The following SUMF1 variants were observed in gnomAD, a reference collection of about 807,000 sequenced individuals.
The protein encoded by SUMF1 is formylglycine-generating enzyme.
SUMF1 carries 48 observed loss-of-function variants against 47.6 expected under a neutral mutation model. That is an observed-to-expected ratio of 1.01 (90% CI 0.80 to 1.28). The LOEUF is 1.28. Ranked by LOEUF, SUMF1 falls within the 50% of genes most tolerant of loss-of-function variation. SUMF1 has a pLI of 0.00. For missense variants in SUMF1, 571 were observed against 485.4 expected, an observed-to-expected ratio of 1.18 and a Z score of -1.66; for synonymous variants, 230 against 192.1, an observed-to-expected ratio of 1.20 and a Z score of -1.63.
At chr3:4,342,232 G>A (rs1441416078) in intron 8 of SUMF1, among the ~76,000 whole-genome samples, 1 of 152,132 alleles carries the variant, frequency 6.6e-6, no homozygotes, top group South Asian at 2.1e-4. Context: ...TGTTATCATC[G>A]TTGTTGTTTT....
chr3:4,160,743 C>A (rs183881839), intron 8 of SUMF1, among the ~76,000 whole-genome samples: 5 of 152,084 alleles, frequency 3.3e-5, no homozygotes. Flanking sequence ...TCTCTAATTT[C>A]TTTGTGTTTC....
intron 8 of SUMF1, among the ~76,000 whole-genome samples, chr3:4,259,913 T>C (rs1697048846): frequency 6.6e-6 from 1 of 152,142 alleles, no homozygotes; most frequent in Non-Finnish European, 1.5e-5. Flanking sequence ...GAGATAATAT[T>C]GACTTCCTCA....
chr3:4,172,248 G>C (rs1254526350), intron 8 of SUMF1, among the ~76,000 whole-genome samples: 1 of 152,142 alleles, frequency 6.6e-6, no homozygotes, highest in Non-Finnish European at 1.5e-5. Context: ...ATGACTCCCA[G>C]ATTTCCGTTT....
At chr3:4,278,174 T>G (rs760712245) in intron 8 of SUMF1, among the ~76,000 whole-genome samples, 6 of 151,882 alleles carry the variant, frequency 4.0e-5, no homozygotes, top group African/African-American at 1.2e-4. Flanking sequence ...GGATGGCATA[T>G]GAGATCAAAG....
In SUMF1 at chr3:4,195,262, T is replaced by C. The variant is rs187504179; in HGVS notation, c.1015-126517A>G. Among the ~76,000 whole-genome samples the C allele has an allele frequency of 9.0e-4, 137 of 152,242 alleles. 1 individual carries two copies. Among genetic ancestry groups the C allele is most frequent in the Admixed American group, 6.1e-3 (93 of 15,272 alleles). Reference sequence around the variant, plus strand: ...CTAATGACCTAGATTCTGGCAGTGGTGTTAGGAGACAAGCTACAAGTCCCA... The same window carrying C: ...CTAATGACCTAGATTCTGGCAGTGGCGTTAGGAGACAAGCTACAAGTCCCA... On this transcript the variant is annotated intron_variant and NMD_transcript_variant, in intron 8 of 12. Coordinates refer to the SUMF1 transcript ENST00000448413.
At chr3:4,161,170 C>A (rs1694567547) in intron 8 of SUMF1, among the ~76,000 whole-genome samples, 1 of 151,990 alleles carries the variant, frequency 6.6e-6, no homozygotes, top group East Asian at 1.9e-4. Context: ...TACTTTCTCC[C>A]AGACAAACGG....
intron 8 of SUMF1, among the ~76,000 whole-genome samples, chr3:4,207,280 A>C (rs926560114): frequency 6.6e-6 from 1 of 152,154 alleles, no homozygotes; most frequent in African/African-American, 2.4e-5. Flanking sequence ...ATGAATAAAG[A>C]CAATTTTACT....
rs1213236736 is a variant in SUMF1, at chr3:4,449,272, T to G, written c.513A>C (p.Gln171His). The G allele has an allele frequency of 6.2e-7, 1 of 1,614,142 alleles. No individual in the cohort carries two copies. The change falls in exon 3 of 9, where the codon CAA (glutamine) becomes CAC (histidine). Residue 171 changes from glutamine to histidine, a missense_variant. Coordinates refer to ENST00000272902, the MANE Select transcript of SUMF1 (RefSeq NM_182760.4). The part of the protein sequence containing the change: ...MLSEQVKTNI[Q>H]QAVAAAPWWL... ...CTGTTGAAACATTACTTACTGCCTG[T>G]TGAATATTGGTCTTCACTTGCTCAC...
chr3:4,316,225 T>C (rs763709876), intron 8 of SUMF1: 1 of 707,982 alleles, frequency 1.4e-6, no homozygotes, highest in South Asian at 1.5e-5. Context: ...ATGAAAATGA[T>C]GTTAGACAAA....
At chr3:4,301,342 A>G (rs922892657) in intron 8 of SUMF1, among the ~76,000 whole-genome samples, 1 of 152,206 alleles carries the variant, frequency 6.6e-6, no homozygotes, top group Non-Finnish European at 1.5e-5. Flanking sequence ...GGAAATAGGT[A>G]AAGTCTGGGT....
intron 8 of SUMF1, among the ~76,000 whole-genome samples, chr3:4,319,054 TAA>T (rs1291805877): frequency 1.3e-5 from 2 of 152,218 alleles, no homozygotes; most frequent in African/African-American, 2.4e-5. Context: ...TTTAAAACTA[TAA>T]GTTATCCCTT....
chr3:4,362,393 T>TA, intron 8 of SUMF1, 139 bp from the exon 9 acceptor site: 1 of 729,530 alleles, frequency 1.4e-6, no homozygotes, highest in Non-Finnish European at 2.4e-6. Flanking sequence ...ATGTATGCTT[T>TA]AAAAAGGGCA....
intron 8 of SUMF1, among the ~76,000 whole-genome samples, chr3:4,154,505 G>C (rs986184413): frequency 2.0e-5 from 3 of 151,460 alleles, no homozygotes; most frequent in Non-Finnish European, 4.4e-5. Context: ...AAACCTACAA[G>C]CTGGGGACTA....
intron 8 of SUMF1, among the ~76,000 whole-genome samples, chr3:4,137,821 G>GA (rs1396109016): frequency 6.6e-6 from 1 of 151,894 alleles, no homozygotes; most frequent in Non-Finnish European, 1.5e-5. Context: ...CAACTGCGCA[G>GA]AAAAAGAAAT....
rs1694811374 is a variant in SUMF1 at position 4,170,560 on chromosome 3, T to A, written c.1015-101815A>T. Among the ~76,000 whole-genome samples, 2 of 152,148 alleles carry A rather than the reference T, an allele frequency of 1.3e-5. 1 individual carries two copies. The highest frequency in any genetic ancestry group is 4.1e-4 in the South Asian group (2 of 4,824). ...TTGAAAAATGAACACAGTTGGAAGA[T>A]TTACACTATTGATTTAAAACTTCCT... is the stretch of plus-strand genomic sequence containing the variant. On this transcript the variant is annotated intron_variant and NMD_transcript_variant, in intron 8 of 12. Coordinates refer to the SUMF1 transcript ENST00000448413.
chr3:4,217,514 T>A (rs11129936), intron 8 of SUMF1, among the ~76,000 whole-genome samples: 7,540 of 40,954 alleles, frequency 0.18, 1,412 homozygotes, highest in African/African-American at 0.22. Flanking sequence ...AAAGTATTTT[T>A]TATATATATA....
intron 8 of SUMF1, among the ~76,000 whole-genome samples, chr3:4,259,944 G>A (rs1019969074): frequency 6.6e-6 from 1 of 151,682 alleles, no homozygotes; most frequent in East Asian, 1.9e-4. Flanking sequence ...ATGCTCAGAG[G>A]AGAAGTTATA....
intron 8 of SUMF1, among the ~76,000 whole-genome samples, chr3:4,091,259 T>G (rs111661089): frequency 0.032 from 4,819 of 152,224 alleles, 282 homozygotes; most frequent in African/African-American, 0.11. Context: ...CTATTGGCTT[T>G]AAGTGAAGAC....
chr3:4,408,171 C>T (rs1478713142), intron 7 of SUMF1, among the ~76,000 whole-genome samples: 4 of 152,162 alleles, frequency 2.6e-5, no homozygotes, highest in South Asian at 2.1e-4. Flanking sequence ...ACAACAGAAA[C>T]AGATCAACAT....
Sources: gnomAD v4.1 joint callset for allele counts (sites outside exome capture counted in the v4.1 genomes callset) on GRCh38, gnomAD v4.1.1 for gene constraint, MANE v1.5 for transcripts, NCBI Gene and HGNC (gene_info 2026-07-23, HGNC 2026-07-21) for gene names.